The following PDZD2 variants were observed in gnomAD, a reference collection of about 807,000 sequenced individuals.
The protein encoded by PDZD2 is PDZ domain-containing protein 2.
Under a neutral mutation model 220.7 loss-of-function variants are expected in PDZD2, and 90 were observed. The observed-to-expected ratio is 0.41, with a 90% CI of 0.34 to 0.49. The LOEUF (loss-of-function observed/expected upper bound fraction) is 0.49. Ranked by LOEUF, PDZD2 falls within the 20% of genes least tolerant of loss-of-function variation. The probability of loss-of-function intolerance (pLI) is 0.28; values close to 1 mark genes in which losing one functional copy is unlikely to be tolerated. For missense variants in PDZD2, 3,174 were observed against 3,608.5 expected, an observed-to-expected ratio of 0.88 and a Z score of 3.08; for synonymous variants, 1,375 against 1,450.5, an observed-to-expected ratio of 0.95 and a Z score of 1.18.
chr5:31,732,164 C>T (rs934723049), intron 1 of PDZD2, among the ~76,000 whole-genome samples: 1 of 152,214 alleles, frequency 6.6e-6, no homozygotes, highest in Admixed American at 6.5e-5. Context: ...TATAGCTAGC[C>T]TGACCTGATG....
chr5:31,832,016 G>T (rs141429615), intron 2 of PDZD2, among the ~76,000 whole-genome samples: 2 of 150,984 alleles, frequency 1.3e-5, no homozygotes, highest in Non-Finnish European at 2.9e-5. Context: ...CTAATAAAAT[G>T]ATTAAAAATC....
intron 2 of PDZD2, among the ~76,000 whole-genome samples, chr5:31,895,396 A>C (rs1741454873): frequency 1.3e-5 from 2 of 152,154 alleles, no homozygotes; most frequent in Admixed American, 1.3e-4. Flanking sequence ...CTGTCATGTG[A>C]GGATACAGCT....
At chr5:31,849,882 AT>A in intron 2 of PDZD2, among the ~76,000 whole-genome samples, 1 of 39,340 alleles carries the variant, frequency 2.5e-5, no homozygotes, top group East Asian at 5.5e-4. Context: ...ATATATATAT[AT>A]ATATACACAT....
chr5:31,743,245 C>T (rs1403416088), intron 1 of PDZD2, among the ~76,000 whole-genome samples: 1 of 151,660 alleles, frequency 6.6e-6, no homozygotes, highest in Non-Finnish European at 1.5e-5. Flanking sequence ...ACAATCATGG[C>T]TCACTGAAGC....
intron 1 of PDZD2, among the ~76,000 whole-genome samples, chr5:31,773,218 T>C (rs1334176743): frequency 6.6e-6 from 1 of 152,216 alleles, no homozygotes; most frequent in African/African-American, 2.4e-5. Flanking sequence ...CAAGTCAACT[T>C]GGGGCTAGTA....
At chr5:32,002,631 AC>A (rs1752241935) in intron 5 of PDZD2, among the ~76,000 whole-genome samples, 3 of 83,530 alleles carry the variant, frequency 3.6e-5, no homozygotes, top group Non-Finnish European at 5.0e-5. Context: ...ACACCAACAC[AC>A]CACCAACACA....
At chr5:32,061,905 T>C (rs1343627158) in intron 14 of PDZD2, among the ~76,000 whole-genome samples, 1 of 152,236 alleles carries the variant, frequency 6.6e-6, no homozygotes, top group East Asian at 1.9e-4. Flanking sequence ...TTCCATAGAA[T>C]TTCTAGAGTA....
intron 23 of PDZD2, 101 bp from the exon 24 acceptor site, chr5:32,101,004 A>G (rs1249921531): frequency 4.4e-6 from 7 of 1,591,642 alleles, no homozygotes; most frequent in South Asian, 2.2e-5. Flanking sequence ...TGAGTGTGCC[A>G]GAAGTACATG....
At chr5:32,042,934 C>T (rs1265568694) in intron 7 of PDZD2, among the ~76,000 whole-genome samples, 1 of 152,144 alleles carries the variant, frequency 6.6e-6, no homozygotes, top group Non-Finnish European at 1.5e-5. Flanking sequence ...CTGAAACCAG[C>T]GAGGTCACAT....
chr5:31,681,887 T>A (rs930864368), intron 1 of PDZD2, among the ~76,000 whole-genome samples: 2 of 152,120 alleles, frequency 1.3e-5, no homozygotes, highest in Non-Finnish European at 2.9e-5. Context: ...AAAGGAATAA[T>A]ACGTTTAAAA....
At chr5:31,773,119 C>T (rs1489445899) in intron 1 of PDZD2, among the ~76,000 whole-genome samples, 2 of 152,144 alleles carry the variant, frequency 1.3e-5, no homozygotes, top group East Asian at 1.9e-4. Flanking sequence ...AGTCAAAAGT[C>T]GTTGGTACAG....
At chr5:31,692,167 A>G (rs1294179485) in intron 1 of PDZD2, among the ~76,000 whole-genome samples, 5 of 152,240 alleles carry the variant, frequency 3.3e-5, no homozygotes, top group Non-Finnish European at 7.3e-5. Context: ...GCGGGAAGGC[A>G]GCTAAGGCCC....
At position 32,108,221 on chromosome 5, in the gene PDZD2, C is replaced by CAACA; in HGVS notation, c.*87_*90dup. On this transcript the variant is annotated 3_prime_UTR_variant, in exon 25 of 25. Transcript: ENST00000438447. ...TTAAACCACAGGTTGTTGAAATGGCCAACACTGGTACAGACACGGACTATA... is the reference window on the plus strand; with the variant it reads ...TTAAACCACAGGTTGTTGAAATGGCCAACAAACACTGGTACAGACACGGACTATA... The CAACA allele has an allele frequency of 1.2e-6, 1 of 850,600 alleles. No individual in the cohort carries two copies. 52.7% of individuals were successfully genotyped at this position (850,600 alleles called of 1,614,324 possible).
At chr5:32,065,011 A>G (rs73074151) in intron 14 of PDZD2, among the ~76,000 whole-genome samples, 1 of 148,070 alleles carries the variant, frequency 6.8e-6, no homozygotes, top group African/African-American at 2.5e-5. Flanking sequence ...TAAGAATATT[A>G]CCTCTTGGCC....
chr5:31,659,091 C>G (rs1479369315), intron 1 of PDZD2, among the ~76,000 whole-genome samples: 1 of 152,130 alleles, frequency 6.6e-6, no homozygotes, highest in Non-Finnish European at 1.5e-5. Context: ...TTATGAAACT[C>G]TATTCTCCTG....
chr5:31,851,029 C>T lies in PDZD2; in HGVS notation c.476+51305C>T, dbSNP rs1017962333. Among the ~76,000 whole-genome samples the T allele has an allele frequency of 4.6e-5, 7 of 152,236 alleles. No individual in the cohort carries two copies. The East Asian group carries it at 1.4e-3, about 29-fold the overall frequency. On this transcript the variant is annotated intron_variant, in intron 2 of 24. Transcript: ENST00000438447. ...GGTCGGTATCCTCTTTATAATAACC[C>T]TTCAAGTAGGAAAAGGCTGTTAAGT...
intron 1 of PDZD2, among the ~76,000 whole-genome samples, chr5:31,735,894 A>G (rs931450989): frequency 6.6e-6 from 1 of 152,164 alleles, no homozygotes; most frequent in Non-Finnish European, 1.5e-5. Context: ...GCAGTGAGCC[A>G]ATATCGCACC....
At chr5:32,038,253 G>A (rs1049572504) in intron 7 of PDZD2, among the ~76,000 whole-genome samples, 28 of 84,720 alleles carry the variant, frequency 3.3e-4, no homozygotes, top group Admixed American at 2.6e-4. Flanking sequence ...GCTGGAGGCC[G>A]GGCGCGGTGG....
chr5:31,910,357 T>G (rs1189382839), intron 2 of PDZD2, among the ~76,000 whole-genome samples: 4 of 151,444 alleles, frequency 2.6e-5, no homozygotes, highest in Non-Finnish European at 5.9e-5. Context: ...GCATCTGGGA[T>G]TACAGATGCC....
Sources: gnomAD v4.1 joint callset for allele counts (sites outside exome capture counted in the v4.1 genomes callset) on GRCh38, gnomAD v4.1.1 for gene constraint, MANE v1.5 for transcripts, NCBI Gene and HGNC (gene_info 2026-07-23, HGNC 2026-07-21) for gene names.